The following DMD variants were observed in gnomAD, a reference collection of about 807,000 sequenced individuals.
The protein encoded by DMD is dystrophin.
Under a neutral mutation model 330.1 loss-of-function variants are expected in DMD, and 63 were observed. The observed-to-expected ratio is 0.19, with a 90% CI of 0.16 to 0.24. The LOEUF (loss-of-function observed/expected upper bound fraction) is 0.24, where lower values mean the gene tolerates loss of function less well. Ranked by LOEUF, DMD falls within the 10% of genes least tolerant of loss-of-function variation. DMD has a pLI of 1.00. For missense variants in DMD, 3,344 were observed against 2,684.1 expected, an observed-to-expected ratio of 1.25 and a Z score of -5.43; for synonymous variants, 1,223 against 959.8, an observed-to-expected ratio of 1.27 and a Z score of -5.07.
intron 12 of DMD, among the ~76,000 whole-genome samples, chrX:32,609,211 A>G (rs1247165321): frequency 9.0e-6 from 1 of 110,620 alleles, no homozygotes; most frequent in East Asian, 2.8e-4. Flanking sequence ...GGCTCTATAT[A>G]CTTTCAGCAA....
chrX:32,933,950 G>A (rs368922999), intron 2 of DMD, among the ~76,000 whole-genome samples: 1 of 111,242 alleles, frequency 9.0e-6, no homozygotes, highest in African/African-American at 3.3e-5. Context: ...TTATTTCTGC[G>A]GCTTGGATTG....
chrX:31,669,228 G>T (rs1402224111), intron 53 of DMD, among the ~76,000 whole-genome samples: 1 of 111,854 alleles, frequency 8.9e-6, no homozygotes, highest in Non-Finnish European at 1.9e-5. Flanking sequence ...TCCCACCAAT[G>T]ATATACAAGT....
intron 2 of DMD, among the ~76,000 whole-genome samples, chrX:32,943,365 G>T (rs2090562052): frequency 9.0e-6 from 1 of 110,845 alleles, no homozygotes; most frequent in African/African-American, 3.3e-5. Flanking sequence ...TTTCCCAGAG[G>T]TTAAAAATTT....
chrX:31,378,566 T>A (rs775083054), intron 60 of DMD, among the ~76,000 whole-genome samples: 1 of 110,209 alleles, frequency 9.1e-6, no homozygotes, highest in African/African-American at 3.3e-5. Context: ...CACCCACATT[T>A]CAGAGGTGTC....
At chrX:31,306,771 C>G (rs1279036090) in intron 62 of DMD, among the ~76,000 whole-genome samples, 2 of 111,186 alleles carry the variant, frequency 1.8e-5, no homozygotes, top group African/African-American at 6.5e-5. Context: ...TACTTTTTTT[C>G]TTCACTCCAC....
chrX:31,633,847 T>C (rs1339349170), intron 54 of DMD, among the ~76,000 whole-genome samples: 1 of 112,248 alleles, frequency 8.9e-6, no homozygotes, highest in Non-Finnish European at 1.9e-5. Context: ...GCTGGTTTCA[T>C]TTTAGGGCTG....
chrX:31,834,599 C>A (rs765575572), intron 49 of DMD, among the ~76,000 whole-genome samples: 1 of 111,431 alleles, frequency 9.0e-6, no homozygotes, highest in African/African-American at 3.3e-5. Context: ...GCCACCACAG[C>A]TGGCTCATTT....
chrX:31,839,520 A>C (rs1203302453), intron 48 of DMD, among the ~76,000 whole-genome samples: 1 of 111,668 alleles, frequency 9.0e-6, no homozygotes, highest in African/African-American at 3.3e-5. Flanking sequence ...TACAGAGTCT[A>C]CTCTTCTGCT....
chrX:32,444,896 A>G (rs2098296970), intron 27 of DMD, among the ~76,000 whole-genome samples: 1 of 111,064 alleles, frequency 9.0e-6, no homozygotes, highest in Admixed American at 9.6e-5. Context: ...GGTGGTTGGT[A>G]TTCATTTCCT....
intron 8 of DMD, 93 bp downstream of exon 8, chrX:32,699,019 C>A: frequency 1.3e-6 from 1 of 754,909 alleles, no homozygotes; most frequent in Non-Finnish European, 2.0e-6. Context: ...CGTGTATATA[C>A]ATATAAGTTA....
chrX:32,719,060 G>C (rs1026047609), intron 7 of DMD, among the ~76,000 whole-genome samples: 1 of 111,635 alleles, frequency 9.0e-6, no homozygotes, highest in South Asian at 3.8e-4. Context: ...ACTAGAGAAG[G>C]TAGGCAAATA....
chrX:32,834,316 A>G (rs1469729833), intron 4 of DMD, among the ~76,000 whole-genome samples: 1 of 111,918 alleles, frequency 8.9e-6, no homozygotes, highest in Non-Finnish European at 1.9e-5. Context: ...TAAATACTAG[A>G]TTTTATGAGT....
intron 20 of DMD, among the ~76,000 whole-genome samples, chrX:32,488,444 T>A (rs914393177): frequency 1.8e-5 from 2 of 111,717 alleles, no homozygotes; most frequent in African/African-American, 6.5e-5. Flanking sequence ...CGCTCTAATG[T>A]TATAAAACTT....
intron 50 of DMD, among the ~76,000 whole-genome samples, chrX:31,780,171 T>C (rs1489032221): frequency 2.7e-5 from 3 of 112,186 alleles, no homozygotes; most frequent in Non-Finnish European, 5.6e-5. Context: ...GTGTTTGGCA[T>C]ATTTCCTTTG....
intron 7 of DMD, among the ~76,000 whole-genome samples, chrX:32,808,868 T>C (rs1436942236): frequency 1.8e-5 from 2 of 111,840 alleles, no homozygotes; most frequent in Non-Finnish European, 3.8e-5. Flanking sequence ...AGTGTTATTA[T>C]CTCTGTAATC....
chrX:32,971,407 A>C (rs969249859), intron 2 of DMD, among the ~76,000 whole-genome samples: 1 of 111,759 alleles, frequency 8.9e-6, no homozygotes, highest in Non-Finnish European at 1.9e-5. Flanking sequence ...CACACTATAT[A>C]AGTGGCATGT....
At chrX:32,959,456 C>G (rs2091783811) in intron 2 of DMD, among the ~76,000 whole-genome samples, 1 of 111,606 alleles carries the variant, frequency 9.0e-6, no homozygotes, top group African/African-American at 3.3e-5. Flanking sequence ...TTATCATTTA[C>G]CTGTAAACTA....
At position 31,622,298 on chromosome X, in the gene DMD, G is replaced by GAC. The variant is rs774285230; in HGVS notation, c.8217+5373_8217+5374dup. ...GTGATCCAGTATTTCCACACCGACAGACACACACACACACACACACAAATA... is the reference window on the plus strand; with the variant it reads ...GTGATCCAGTATTTCCACACCGACAGACACACACACACACACACACACAAATA... On this transcript the variant is annotated intron_variant, in intron 55 of 78. Transcript: ENST00000357033. 2.1e-3 allele frequency among the ~76,000 whole-genome samples: 227 copies of GAC among 106,680 alleles called. 2 individuals carry two copies. Among genetic ancestry groups the GAC allele is most frequent in the East Asian group, 5.5e-3 (19 of 3,424 alleles). The allele number at this position is 106,680 out of a possible 115,157, so 92.6% of individuals were successfully genotyped here. A position where few individuals can be genotyped will look rare whatever the true frequency, so the allele number is the denominator to read the frequency against.
At chrX:32,982,234 T>A (rs2092724246) in intron 2 of DMD, among the ~76,000 whole-genome samples, 1 of 111,652 alleles carries the variant, frequency 9.0e-6, no homozygotes, top group Non-Finnish European at 1.9e-5. Flanking sequence ...CACACCTCAT[T>A]ATAATACTAA....
Sources: gnomAD v4.1 joint callset for allele counts (sites outside exome capture counted in the v4.1 genomes callset) on GRCh38, gnomAD v4.1.1 for gene constraint, MANE v1.5 for transcripts, NCBI Gene and HGNC (gene_info 2026-07-23, HGNC 2026-07-21) for gene names.